The following NCAM1 variants were observed in gnomAD, a reference collection of about 807,000 sequenced individuals.
The protein encoded by NCAM1 is neural cell adhesion molecule 1.
In NCAM1, 14 loss-of-function variants were observed where a neutral mutation model predicts 109.8. That is an observed-to-expected ratio of 0.13 (90% CI 0.08 to 0.20). The LOEUF is 0.20. NCAM1 is among the 10% of genes least tolerant of loss of function. NCAM1 has a pLI of 1.00. For synonymous variants in NCAM1, 418 were observed against 442.9 expected (o/e 0.94, Z 0.70); for missense variants, 774 against 1,109.9 (o/e 0.70, Z 4.30).
chr11:113,178,169 C>G (rs1406302866), intron 1 of NCAM1, among the ~76,000 whole-genome samples: 1 of 152,042 alleles, frequency 6.6e-6, no homozygotes, highest in Non-Finnish European at 1.5e-5. Flanking sequence ...CCGGGTGCTT[C>G]CATTTTAGAA....
In NCAM1 at chr11:113,134,078, A is replaced by G. The variant is rs541099337; in HGVS notation, c.53-68301A>G. On this transcript the variant is annotated intron_variant, in intron 1 of 19. Coordinates refer to ENST00000316851, the MANE Select transcript of NCAM1 (RefSeq NM_181351.5). The stretch of plus-strand genomic sequence containing the variant: ...GTATTTTAACAATGTTGTGAAATAG[A>G]TCTCCAGAAGTTTTTCATCTTGTAA... 6 of 152,218 alleles carry G rather than the reference A, an allele frequency of 3.9e-5. No individual in the cohort carries two copies. The East Asian group carries it at 1.2e-3, about 29-fold the overall frequency. The allele number at this position is 152,218 out of a possible 1,614,324, so 9.4% of individuals were successfully genotyped here.
chr11:113,231,990 G>A (rs1029131882), intron 10 of NCAM1, among the ~76,000 whole-genome samples, 180 bp from the exon 11 acceptor site: 5 of 152,158 alleles, frequency 3.3e-5, no homozygotes, highest in African/African-American at 1.2e-4. Context: ...TTACAAGCCT[G>A]CTGTGCCCTT....
intron 7 of NCAM1, among the ~76,000 whole-genome samples, chr11:113,210,450 A>G (rs1248281032): frequency 6.6e-6 from 1 of 152,162 alleles, no homozygotes; most frequent in Non-Finnish European, 1.5e-5. Flanking sequence ...GAAACCCAAC[A>G]GGACACAAAT....
intron 1 of NCAM1, among the ~76,000 whole-genome samples, chr11:113,086,437 T>C (rs1939093394): frequency 6.6e-6 from 1 of 152,234 alleles, no homozygotes; most frequent in South Asian, 2.1e-4. Flanking sequence ...ACACTTTTCA[T>C]TGATCGGTGG....
At position 113,215,119 on chromosome 11, in the gene NCAM1, A is replaced by G. The variant is rs1044451807; in HGVS notation, c.1059+608A>G. Among the ~76,000 whole-genome samples the G allele has an allele frequency of 4.6e-5, 7 of 152,324 alleles. No individual in the cohort carries two copies. In the East Asian group the frequency reaches 1.2e-3, roughly 25 times the overall value. On this transcript the variant is annotated intron_variant, in intron 8 of 19. Transcript: ENST00000316851. ...TTCATGGAGGGTTTAAGAACATTGT[A>G]GCAACCTTCCTGGCAAATTAAAATG... is the stretch of plus-strand genomic sequence containing the variant.
At chr11:113,219,718 A>G (rs1944630677) in intron 8 of NCAM1, among the ~76,000 whole-genome samples, 2 of 152,254 alleles carry the variant, frequency 1.3e-5, no homozygotes, top group African/African-American at 4.8e-5. Flanking sequence ...TGGGAGAGAC[A>G]CAAGGATAAT....
At chr11:112,964,586 C>G (rs1950681564) in intron 1 of NCAM1, among the ~76,000 whole-genome samples, 1 of 152,186 alleles carries the variant, frequency 6.6e-6, no homozygotes, top group Admixed American at 6.5e-5. Flanking sequence ...TATAATATCT[C>G]TCACTAAGCA....
chr11:113,021,432 C>T (rs1312005867), intron 1 of NCAM1, among the ~76,000 whole-genome samples: 1 of 152,126 alleles, frequency 6.6e-6, no homozygotes, highest in African/African-American at 2.4e-5. Context: ...ATTATGACAT[C>T]CTTTGGCTAT....
intron 1 of NCAM1, among the ~76,000 whole-genome samples, chr11:113,022,923 C>T (rs1555076491): frequency 6.6e-6 from 1 of 152,156 alleles, no homozygotes; most frequent in Non-Finnish European, 1.5e-5. Flanking sequence ...ATCTTTTCTT[C>T]CCTATGAGGA....
chr11:113,215,851 C>T (rs1565505352), intron 8 of NCAM1, among the ~76,000 whole-genome samples: 1 of 152,206 alleles, frequency 6.6e-6, no homozygotes, highest in East Asian at 1.9e-4. Context: ...CAGCCCCACT[C>T]ATGTGTGTTA....
intron 1 of NCAM1, among the ~76,000 whole-genome samples, chr11:113,098,552 A>G (rs1555090872): frequency 6.6e-6 from 1 of 152,188 alleles, no homozygotes; most frequent in African/African-American, 2.4e-5. Context: ...GAGAAAGGTA[A>G]CCTCAGATAT....
intron 15 of NCAM1, among the ~76,000 whole-genome samples, chr11:113,248,561 G>C (rs1184145519): frequency 6.6e-6 from 1 of 152,106 alleles, no homozygotes; most frequent in Non-Finnish European, 1.5e-5. Context: ...TGGGGGGTGA[G>C]GGGGGAGCTT....
intron 1 of NCAM1, among the ~76,000 whole-genome samples, chr11:113,081,603 C>T (rs1938822703): frequency 2.6e-5 from 4 of 151,886 alleles, no homozygotes; most frequent in Admixed American, 2.6e-4. Flanking sequence ...GGCACGATCT[C>T]GGCTCACTGC....
Position 113,255,904 on chromosome 11 carries a change from G to A in NCAM1, c.1856G>A (p.Gly619Glu). 6.2e-7 allele frequency: 1 copy of A among 1,612,494 alleles called. No homozygotes were observed. ...GAACCCAGTGCACCTAAGCTCGAAGGGCAGATGGGAGAGGATGGAAACTCT... is the reference window on the plus strand; with the variant it reads ...GAACCCAGTGCACCTAAGCTCGAAGAGCAGATGGGAGAGGATGGAAACTCT... Reference protein sequence around the residue: ...QGEPSAPKLEGQMGEDGNSIK... With the variant: ...QGEPSAPKLEEQMGEDGNSIK... Residue 619 changes from glycine (G) to glutamate (E), a missense_variant, in exon 16 of 20, where the codon GGG becomes GAG. By Grantham distance (98) the Gly-to-Glu change is moderately conservative. Coordinates refer to ENST00000316851, the MANE Select transcript of NCAM1 (RefSeq NM_181351.5).
intron 1 of NCAM1, among the ~76,000 whole-genome samples, chr11:113,067,003 CAAAAAAA>C (rs34002848): frequency 9.6e-6 from 1 of 103,700 alleles, no homozygotes; most frequent in African/African-American, 3.8e-5. Context: ...GAACCCCTCT[CAAAAAAA>C]AAAAAAAAAA....
chr11:113,134,309 C>T (rs1037548692), intron 1 of NCAM1, among the ~76,000 whole-genome samples: 2 of 152,062 alleles, frequency 1.3e-5, no homozygotes, highest in Non-Finnish European at 2.9e-5. Flanking sequence ...CGCATGTAAC[C>T]GGATTTTTTT....
rs576563363 is a variant in NCAM1, at chr11:112,998,112, G to T, written c.52+36448G>T. 1.9e-3 allele frequency among the ~76,000 whole-genome samples: 284 copies of T among 152,300 alleles called. 2 individuals are homozygous for T. Among genetic ancestry groups the T allele is most frequent in the Non-Finnish European group, 1.9e-3 (131 of 68,028 alleles). On this transcript the variant is annotated intron_variant, in intron 1 of 19. Coordinates refer to ENST00000316851, the MANE Select transcript of NCAM1 (RefSeq NM_181351.5). The stretch of plus-strand genomic sequence containing the variant: ...AAAAGGACTCAGTGAGGAACTTGAG[G>T]CCCAGAAAGGGAAAGTGCTCATACA...
chr11:113,191,790 T>G (rs1555109939), intron 1 of NCAM1, among the ~76,000 whole-genome samples: 1 of 152,100 alleles, frequency 6.6e-6, no homozygotes, highest in African/African-American at 2.4e-5. Context: ...TATATATATA[T>G]ATGTATATGA....
intron 1 of NCAM1, among the ~76,000 whole-genome samples, chr11:113,076,162 C>T (rs926200668): frequency 1.2e-5 from 1 of 84,980 alleles, no homozygotes; most frequent in Admixed American, 1.3e-4. Context: ...AACTCAGTGT[C>T]CCTGGTCAGA....
Sources: allele counts gnomAD v4.1 joint callset (sites outside exome capture counted in the v4.1 genomes callset), GRCh38; gene constraint gnomAD v4.1.1; transcripts MANE v1.5; gene names NCBI Gene and HGNC (gene_info 2026-07-23, HGNC 2026-07-21).